The following TRIM2 variants were observed in gnomAD, a reference collection of about 807,000 sequenced individuals.
TRIM2 encodes tripartite motif-containing protein 2.
A neutral mutation model predicts 75.2 loss-of-function variants in TRIM2; 20 were observed. The observed-to-expected ratio is 0.27, with a 90% CI of 0.19 to 0.39. The LOEUF (loss-of-function observed/expected upper bound fraction) is 0.39. Among genes scored for constraint, TRIM2 ranks in the 10% least tolerant of loss-of-function variants. The pLI, the probability that TRIM2 is intolerant of heterozygous loss-of-function variation, is 1.00. For missense variants in TRIM2, 660 were observed against 990.8 expected (o/e 0.67, Z 4.48); for synonymous variants, 373 against 388.3 (o/e 0.96, Z 0.46).
intron 1 of TRIM2, among the ~76,000 whole-genome samples, chr4:153,227,343 G>C (rs919566645): frequency 1.3e-5 from 2 of 152,142 alleles, no homozygotes; most frequent in African/African-American, 4.8e-5. Context: ...CCTGGGTAGC[G>C]CCAAAATAAC....
intron 8 of TRIM2, among the ~76,000 whole-genome samples, chr4:153,317,520 G>T (rs950400875): frequency 1.9e-4 from 29 of 151,852 alleles, no homozygotes; most frequent in African/African-American, 6.5e-4. Context: ...GTGGTGGCGT[G>T]CACCTGTAGT....
chr4:153,307,988 C>G (rs1765401744), intron 6 of TRIM2: 1 of 760,024 alleles, frequency 1.3e-6, no homozygotes, highest in Non-Finnish European at 2.5e-6. Context: ...TACACTGGAC[C>G]AGGTTCAGGA....
intron 1 of TRIM2, among the ~76,000 whole-genome samples, chr4:153,244,432 C>CTT (rs1307866792): frequency 9.2e-6 from 1 of 108,470 alleles, no homozygotes; most frequent in Non-Finnish European, 1.8e-5. Flanking sequence ...TCTTCTTCTT[C>CTT]TTCTTTTAAT....
chr4:153,282,211 C>T (rs991350435), intron 3 of TRIM2, among the ~76,000 whole-genome samples: 4 of 152,228 alleles, frequency 2.6e-5, no homozygotes, highest in East Asian at 3.8e-4. Flanking sequence ...CAGAATTACA[C>T]GCCCCACACA....
In TRIM2 at chr4:153,275,957, T is replaced by G. The variant is rs776651517; in HGVS notation, c.280T>G (p.Ser94Ala). The change falls in exon 3 of 12, where the codon TCC (serine) becomes GCC (alanine). Residue 94 changes from serine (S) to alanine (A), a missense_variant. By Grantham distance (99) the Ser-to-Ala change is moderately conservative. Transcript: ENST00000338700. Reference protein sequence around the residue: ...TLSCPVCRQTSILPEKGVAAL... With the variant: ...TLSCPVCRQTAILPEKGVAAL... The stretch of plus-strand genomic sequence containing the variant: ...CTCCTGCCCAGTGTGCCGCCAGACC[T>G]CCATCCTGCCCGAGAAAGGGGTGGC... 6.2e-7 allele frequency: 1 copy of G among 1,614,160 alleles called. No individual in the cohort carries two copies. Among genetic ancestry groups the G allele is most frequent in the Non-Finnish European group, 8.5e-7 (1 of 1,180,024 alleles).
At chr4:153,262,634 A>G (rs540732619) in intron 1 of TRIM2, among the ~76,000 whole-genome samples, 4 of 152,322 alleles carry the variant, frequency 2.6e-5, no homozygotes, top group Admixed American at 6.5e-5. Flanking sequence ...CTGTGGCTAC[A>G]TGGCTCCTTA....
At chr4:153,272,881 C>T (rs1165735916) in intron 2 of TRIM2, among the ~76,000 whole-genome samples, 1 of 152,092 alleles carries the variant, frequency 6.6e-6, no homozygotes, top group Non-Finnish European at 1.5e-5. Context: ...TGCTCTGTCA[C>T]CAGGCTGGAG....
At position 153,276,013 on chromosome 4, in the gene TRIM2, C is replaced by A; in HGVS notation, c.336C>A (p.Asn112Lys). 3 of 1,614,224 alleles carry A rather than the reference C, an allele frequency of 1.9e-6. No homozygotes were observed. The highest frequency in any genetic ancestry group is 2.5e-6 in the Non-Finnish European group (3 of 1,180,032). The change falls in exon 3 of 12, where the codon AAC becomes AAA. Residue 112 changes from asparagine to lysine, a missense_variant. By Grantham distance (94) the Asn-to-Lys change is moderately conservative. Coordinates refer to ENST00000338700, the MANE Select transcript of TRIM2 (RefSeq NM_015271.5). ...TCCAGAACAATTTCTTCATCACAAA[C>A]CTGATGGACGTGCTGCAGCGAACTC... ...AALQNNFFIT[N>K]LMDVLQRTPG...
chr4:153,200,443 A>G (rs2149677201), upstream of TRIM2, among the ~76,000 whole-genome samples: 1 of 152,206 alleles, frequency 6.6e-6, no homozygotes, highest in South Asian at 2.1e-4. Flanking sequence ...TTTGATGGAC[A>G]TTTGGGCTGT....
chr4:153,233,017 A>C (rs370681991), intron 1 of TRIM2, among the ~76,000 whole-genome samples: 23 of 152,314 alleles, frequency 1.5e-4, no homozygotes, highest in South Asian at 1.2e-3. Context: ...ATAGATTTGG[A>C]AGTCAAATGC....
chr4:153,268,494 ACTGC>A (rs1755853313), intron 1 of TRIM2, among the ~76,000 whole-genome samples: 1 of 152,194 alleles, frequency 6.6e-6, no homozygotes, highest in African/African-American at 2.4e-5. Flanking sequence ...GATCTCTTTC[ACTGC>A]CATAATTTTC....
chr4:153,215,873 T>G (rs1260385109), intron 1 of TRIM2, among the ~76,000 whole-genome samples: 2 of 152,188 alleles, frequency 1.3e-5, no homozygotes, highest in Non-Finnish European at 2.9e-5. Context: ...CTTTTATTTG[T>G]TTTTTCATCT....
At chr4:153,172,870 A>C (rs1442184122) in intron 1 of TRIM2, among the ~76,000 whole-genome samples, 1 of 152,184 alleles carries the variant, frequency 6.6e-6, no homozygotes, top group Admixed American at 6.5e-5. Flanking sequence ...GAGACAGCAA[A>C]GAGCTCAGTG....
At chr4:153,269,888 C>T (rs1185192014) in intron 1 of TRIM2, among the ~76,000 whole-genome samples, 1 of 152,006 alleles carries the variant, frequency 6.6e-6, no homozygotes, top group Non-Finnish European at 1.5e-5. Flanking sequence ...ATTTTGAGGT[C>T]ACTGGCATTG....
At position 153,277,527 on chromosome 4, in the gene TRIM2, A is replaced by G. The variant is rs139618633; in HGVS notation, c.453+1397A>G. 3.3e-4 allele frequency among the ~76,000 whole-genome samples: 50 copies of G among 152,352 alleles called. 1 individual carries two copies. The East Asian group carries it at 8.5e-3, about 26-fold the overall frequency. On this transcript the variant is annotated intron_variant, in intron 3 of 11. Coordinates refer to ENST00000338700, the MANE Select transcript of TRIM2 (RefSeq NM_015271.5). ...TAGCACTGAGGGCAGTGTCTTATAC[A>G]TAGAAGTCAATAAATATTTGTTGAA... is the stretch of plus-strand genomic sequence containing the variant.
At chr4:153,270,925 G>C (rs1756524333) in intron 2 of TRIM2, among the ~76,000 whole-genome samples, 1 of 152,098 alleles carries the variant, frequency 6.6e-6, no homozygotes, top group South Asian at 2.1e-4. Context: ...TACATGAGTT[G>C]TTACTTCAAA....
intron 1 of TRIM2, among the ~76,000 whole-genome samples, chr4:153,262,620 C>A (rs561289683): frequency 6.6e-6 from 1 of 152,122 alleles, no homozygotes; most frequent in East Asian, 1.9e-4. Context: ...AGGAATCTTG[C>A]GACCTGTGGC....
chr4:153,223,254 C>T (rs1468026934), intron 1 of TRIM2, among the ~76,000 whole-genome samples: 1 of 152,182 alleles, frequency 6.6e-6, no homozygotes, highest in East Asian at 1.9e-4. Context: ...GGCTCCCAGG[C>T]CCTGCCCGCG....
At chr4:153,206,041 G>A (rs1296531588) in intron 1 of TRIM2, among the ~76,000 whole-genome samples, 1 of 152,232 alleles carries the variant, frequency 6.6e-6, no homozygotes, top group Non-Finnish European at 1.5e-5. Context: ...GAAAGGACAG[G>A]TGTGCATCAT....
Sources: gnomAD v4.1 joint callset for allele counts (sites outside exome capture counted in the v4.1 genomes callset) on GRCh38, gnomAD v4.1.1 for gene constraint, MANE v1.5 for transcripts, NCBI Gene and HGNC (gene_info 2026-07-23, HGNC 2026-07-21) for gene names.